Variants in REEP2 observed in about 807,000 individuals in gnomAD.
The protein encoded by REEP2 is receptor accessory protein 2, also known as receptor expression-enhancing protein 2.
REEP2 carries 9 observed loss-of-function variants against 32.1 expected under a neutral mutation model. The ratio of observed to expected loss-of-function variants is 0.28; its 90% CI spans 0.17 to 0.49. The LOEUF (loss-of-function observed/expected upper bound fraction) is 0.49, where lower values mean the gene tolerates loss of function less well. Among genes scored for constraint, REEP2 ranks in the 20% least tolerant of loss-of-function variants. The pLI, the probability that REEP2 is intolerant of heterozygous loss-of-function variation, is 0.99. For missense variants in REEP2, 236 were observed against 338.0 expected, an observed-to-expected ratio of 0.70 and a Z score of 2.37; for synonymous variants, 128 against 139.1, an observed-to-expected ratio of 0.92 and a Z score of 0.56.
chr5:138,440,929 T>C, intron 1 of REEP2, 87 bp from the exon 2 acceptor site: 1 of 1,597,666 alleles, frequency 6.3e-7, no homozygotes. Context: ...TCTCTTCCCA[T>C]TACTTACCCA....
chr5:138,444,381 G>GCCCTGTACTCTGCGCTTGC, intron 3 of REEP2, 34 bp from the exon 4 acceptor site: 2 of 1,609,768 alleles, frequency 1.2e-6, no homozygotes, highest in Non-Finnish European at 1.7e-6. Flanking sequence ...CCAACTCCCT[G>GCCCTGTACTCTGCGCTTGC]CCCTGTACTC....
intron 1 of REEP2, 101 bp downstream of exon 1, chr5:138,439,341 T>A (rs1763778582): frequency 2.4e-6 from 3 of 1,234,114 alleles, no homozygotes; most frequent in African/African-American, 1.5e-5. Flanking sequence ...CAGAGTCACC[T>A]AAAGGCGCTG....
At chr5:138,440,113 G>A (rs557795189) in intron 1 of REEP2, among the ~76,000 whole-genome samples, 1 of 152,218 alleles carries the variant, frequency 6.6e-6, no homozygotes, top group Non-Finnish European at 1.5e-5. Context: ...CCTGACAGGG[G>A]CTCCTCGTGG....
At chr5:138,445,062 A>G in intron 5 of REEP2, 166 bp from the exon 6 acceptor site, 2 of 872,286 alleles carry the variant, frequency 2.3e-6, no homozygotes, top group Non-Finnish European at 3.5e-6. Context: ...CTGTCCCCAG[A>G]GGCAAAGTGT....
intron 5 of REEP2, 40 bp from the exon 6 acceptor site, chr5:138,445,188 C>T (rs1401280406): frequency 3.2e-6 from 5 of 1,545,844 alleles, no homozygotes; most frequent in East Asian, 2.3e-5. Context: ...CCACCCCGCC[C>T]CTTCCCCCCG....
rs781278012 is a variant in REEP2, at chr5:138,444,547, C to G, written c.303+12C>G. On this transcript the variant is annotated intron_variant, in intron 4 of 7. Coordinates refer to ENST00000378339, the MANE Select transcript of REEP2 (RefSeq NM_001271803.2). ...CCAACAAGGAGAAGGTTTGCCCCCA[C>G]TCTCAGCTCACCTCCCAGCCTGCCC... is the stretch of plus-strand genomic sequence containing the variant. The G allele has an allele frequency of 6.2e-6, 10 of 1,613,574 alleles. No homozygotes were observed. Among genetic ancestry groups the G allele is most frequent in the Non-Finnish European group, 8.5e-6 (10 of 1,179,636 alleles).
In REEP2 at chr5:138,444,838, G is replaced by A. The variant is rs201267841; in HGVS notation, c.388G>A (p.Ala130Thr). ...RVGKRGLNLA[A>T]NAAVTAAAKG... ...GGGCAAGAGGGGCCTGAACCTTGCC[G>A]CCAATGCTGCAGTCACAGCTGCCGC... The change falls in exon 5 of 8, where the codon GCC becomes ACC. Residue 130 changes from alanine to threonine, a missense_variant. Ala to Thr is a moderately conservative substitution (Grantham distance 58). Transcript: ENST00000378339. 297 of 1,613,268 alleles carry A rather than the reference G, an allele frequency of 1.8e-4. 1 individual carries two copies. Among genetic ancestry groups the A allele is most frequent in the Non-Finnish European group, 2.4e-4 (285 of 1,179,646 alleles).
chr5:138,445,444 ACCT>A (rs747768816), intron 6 of REEP2, 21 bp from the exon 7 acceptor site: 12 of 1,613,280 alleles, frequency 7.4e-6, no homozygotes, highest in Non-Finnish European at 1.0e-5. Context: ...AGATTCCCCC[ACCT>A]CCTTTTCTCC....
chr5:138,440,167 G>A (rs1227491610), intron 1 of REEP2, among the ~76,000 whole-genome samples: 2 of 152,212 alleles, frequency 1.3e-5, no homozygotes, highest in Admixed American at 6.5e-5. Context: ...CTGCCCCTCG[G>A]CCTCCACCGT....
At position 138,439,083 on chromosome 5, in the gene REEP2, GGCGGCTGCTGCA is replaced by G. The variant is rs914396231; in HGVS notation, c.-114_-103del. The G allele has an allele frequency of 3.8e-4, 126 of 333,654 alleles. 1 individual carries two copies. The South Asian group carries it at 6.0e-3, about 16-fold the overall frequency. The allele number at this position is 333,654 out of a possible 1,614,324, so 20.7% of individuals were successfully genotyped here. A position where few individuals can be genotyped will look rare whatever the true frequency, so the allele number is the denominator to read the frequency against. Reference sequence around the variant, plus strand: ...GCGCTGGGCGCTCCGCTGCCCCCGCGGCGGCTGCTGCAGCGGCTGCTGCTGCTACTGCGGCTC... The same window carrying G: ...GCGCTGGGCGCTCCGCTGCCCCCGCGGCGGCTGCTGCTGCTACTGCGGCTC... On this transcript the variant is annotated 5_prime_UTR_variant, in exon 1 of 8. Transcript: ENST00000378339.
At position 138,442,666 on chromosome 5, in the gene REEP2, C is replaced by T. The variant is rs184619232; in HGVS notation, c.182+1205C>T. ...GTCAGGAGATGGAGAGCATCCTGTC[C>T]AATACGGTGAAACCCCATCTCTACT... On this transcript the variant is annotated intron_variant, in intron 3 of 7. Transcript: ENST00000378339. Among the ~76,000 whole-genome samples, 7 of 152,038 alleles carry T rather than the reference C, an allele frequency of 4.6e-5. No homozygotes were observed. In the East Asian group the frequency reaches 1.2e-3, roughly 25 times the overall value.
At position 138,445,694 on chromosome 5, in the gene REEP2, C is replaced by T. The variant is rs1216314979; in HGVS notation, c.708C>T (p.Ser236=). ...CCTTCTTTCCACAGCCACTGGCTTC[C>T]AAGACACTGAAGACCCGGCCCAAGA... is the stretch of plus-strand genomic sequence containing the variant. ...KKAPKAEPLA[S]KTLKTRPKKK... The change falls in exon 8 of 8, where the codon TCC becomes TCT. Residue 236 remains serine (S), a synonymous_variant. Transcript: ENST00000378339. 1.2e-6 allele frequency: 2 copies of T among 1,614,034 alleles called. No individual in the cohort carries two copies. Among genetic ancestry groups the T allele is most frequent in the Admixed American group, 1.7e-5 (1 of 59,994 alleles).
In REEP2 at chr5:138,441,133, G is replaced by A. The variant is rs766083164; in HGVS notation, c.105+45G>A. 2.0e-5 allele frequency: 32 copies of A among 1,611,128 alleles called. No homozygotes were observed. Among genetic ancestry groups the A allele is most frequent in the African/African-American group, 2.7e-5 (2 of 74,882 alleles). ...CCCCCTACCCAACCCACATGGCACAGAGAGGGGAGGGCACTGGGTCCTATT... is the reference window on the plus strand; with the variant it reads ...CCCCCTACCCAACCCACATGGCACAAAGAGGGGAGGGCACTGGGTCCTATT... On this transcript the variant is annotated intron_variant, in intron 2 of 7. Coordinates refer to ENST00000378339, the MANE Select transcript of REEP2 (RefSeq NM_001271803.2). This position sits in a 1 kb window ranked among gnomAD's most constrained non-coding sequence, Gnocchi z 4.4.
In REEP2 at chr5:138,441,085, A is replaced by G; in HGVS notation, c.102A>G (p.Glu34=). The stretch of plus-strand genomic sequence containing the variant: ...CCGTGAAGACAAAAAACGTGAAGGA[A>G]TATGTGAGTGGATGACCCTTCACCC... ...YKAVKTKNVK[E]YVKWMMYWIV... The change falls in exon 2 of 8, where the codon GAA becomes GAG. Residue 34 remains glutamate (E), a synonymous_variant. Transcript: ENST00000378339. This position sits in a 1 kb window ranked among gnomAD's most constrained non-coding sequence, Gnocchi z 4.4. 4 of 1,613,890 alleles carry G rather than the reference A, an allele frequency of 2.5e-6. No homozygotes were observed. Among genetic ancestry groups the G allele is most frequent in the Non-Finnish European group, 3.4e-6 (4 of 1,180,012 alleles).
At position 138,444,831 on chromosome 5, in the gene REEP2, C is replaced by A. The variant is rs576783799; in HGVS notation, c.381C>A (p.Asn127Lys). Residue 127 changes from asparagine (N) to lysine (K), a missense_variant, in exon 5 of 8, where the codon AAC becomes AAA. Transcript: ENST00000378339. ...TMMRVGKRGL[N>K]LAANAAVTAA... ...TGAGGGTGGGCAAGAGGGGCCTGAA[C>A]CTTGCCGCCAATGCTGCAGTCACAG... The A allele has an allele frequency of 9.9e-6, 16 of 1,613,676 alleles. No homozygotes were observed. Among genetic ancestry groups the A allele is most frequent in the Non-Finnish European group, 4.2e-6 (5 of 1,179,832 alleles).
At chr5:138,444,381 G>T (rs763703606) in intron 3 of REEP2, 34 bp from the exon 4 acceptor site, 1 of 1,609,768 alleles carries the variant, frequency 6.2e-7, no homozygotes, top group South Asian at 1.1e-5. Context: ...CCAACTCCCT[G>T]CCCTGTACTC....
rs201337692 is a variant in REEP2, at chr5:138,441,015, G to A, written c.33-1G>A. 1 of 1,612,742 alleles carries A rather than the reference G, an allele frequency of 6.2e-7. No homozygotes were observed. The highest frequency in any genetic ancestry group is 2.2e-5 in the East Asian group (1 of 44,882). ...CCCAGTAACCATGCCTGCCTCCCTA[G>A]GCTCATCTTTGGCACCCTGTACCCA... On this transcript the variant is annotated splice_acceptor_variant, in intron 1 of 7. Transcript: ENST00000378339. LOFTEE classifies it high-confidence loss of function. The surrounding 1 kb of genome is among the most constrained non-coding windows in gnomAD (Gnocchi z 4.4).
chr5:138,444,581 G>A (rs774141480), intron 4 of REEP2, 46 bp downstream of exon 4: 2 of 1,608,920 alleles, frequency 1.2e-6, no homozygotes, highest in Non-Finnish European at 1.7e-6. Context: ...CCCCAGCCAA[G>A]GCAGTCCAGA....
chr5:138,439,076 C>A lies in REEP2; in HGVS notation c.-133C>A. The stretch of plus-strand genomic sequence containing the variant: ...AACGGCGGCGCTGGGCGCTCCGCTG[C>A]CCCCGCGGCGGCTGCTGCAGCGGCT... On this transcript the variant is annotated 5_prime_UTR_variant, in exon 1 of 8. Coordinates refer to ENST00000378339, the MANE Select transcript of REEP2 (RefSeq NM_001271803.2). 1 of 297,354 alleles carries A rather than the reference C, an allele frequency of 3.4e-6. No individual in the cohort carries two copies. The highest frequency in any genetic ancestry group is 5.5e-6 in the Non-Finnish European group (1 of 183,072). 18.4% of individuals were successfully genotyped at this position (297,354 alleles called of 1,614,324 possible). A position where few individuals can be genotyped will look rare whatever the true frequency, so the allele number is the denominator to read the frequency against.
Sources: allele counts gnomAD v4.1 joint callset (sites outside exome capture counted in the v4.1 genomes callset), GRCh38; gene constraint gnomAD v4.1.1; non-coding constraint Gnocchi (gnomAD v3.1); transcripts MANE v1.5; gene names NCBI Gene and HGNC (gene_info 2026-07-23, HGNC 2026-07-21).